Variants in POLE observed in about 807,000 individuals in gnomAD.
POLE encodes DNA polymerase epsilon, catalytic subunit.
In POLE, 188 loss-of-function variants were observed where a neutral mutation model predicts 279.2. The observed-to-expected ratio is 0.67, with a 90% CI of 0.60 to 0.76. The LOEUF (loss-of-function observed/expected upper bound fraction) is 0.76. Ranked by LOEUF, POLE falls within the 30% of genes least tolerant of loss-of-function variation. The pLI is 0.00. For missense variants in POLE, 2,703 were observed against 3,016.7 expected, an observed-to-expected ratio of 0.90 and a Z score of 2.44; for synonymous variants, 1,214 against 1,172.5, an observed-to-expected ratio of 1.04 and a Z score of -0.72.
chr12:132,682,300 A>AAAAT (rs2043184618), intron 1 of POLE, among the ~76,000 whole-genome samples: 1 of 102,020 alleles, frequency 9.8e-6, no homozygotes, highest in Non-Finnish European at 2.3e-5. Flanking sequence ...GCAAAAAAAA[A>AAAAT]AAAATAAATA....
intron 16 of POLE, 59 bp downstream of exon 16, chr12:132,672,156 G>T: frequency 8.7e-7 from 1 of 1,147,970 alleles, no homozygotes; most frequent in Non-Finnish European, 1.3e-6. Context: ...GCTGAAAGAC[G>T]TGGTCTGTGA....
chr12:132,645,501 A>T (rs2042262534), intron 32 of POLE, among the ~76,000 whole-genome samples: 1 of 152,220 alleles, frequency 6.6e-6, no homozygotes, highest in Non-Finnish European at 1.5e-5. Context: ...AAAACAACGC[A>T]GCAGAGGCTC....
In POLE at chr12:132,672,219, T is replaced by G; in HGVS notation, c.1790A>C (p.Glu597Ala). Reference sequence around the variant, plus strand: ...TCCTGCCTCCCTGATGGTTACCTCTTCAAAGTTGGTGACTTGCTCCACAGG... The same window carrying G: ...TCCTGCCTCCCTGATGGTTACCTCTGCAAAGTTGGTGACTTGCTCCACAGG... ...KVPVEQVTNFEEVCDEIKSKL... is the reference protein window; with the variant it reads ...KVPVEQVTNFAEVCDEIKSKL... The change falls in exon 16 of 49, where the codon GAA (glutamate) becomes GCA (alanine). Residue 597 changes from glutamate (E) to alanine (A), a missense_variant. Coordinates refer to ENST00000320574, the MANE Select transcript of POLE (RefSeq NM_006231.4). 1 of 1,612,494 alleles carries G rather than the reference T, an allele frequency of 6.2e-7. No individual in the cohort carries two copies. Among genetic ancestry groups the G allele is most frequent in the Non-Finnish European group, 8.5e-7 (1 of 1,178,458 alleles).
At position 132,661,936 on chromosome 12, in the gene POLE, C is replaced by T. The variant is rs5744843; in HGVS notation, c.2707-252G>A. ...TATGCTTCCCTTTACATGACATTTT[C>T]GACAAAGCAAAATTATAGTACAAAA... On this transcript the variant is annotated intron_variant, in intron 23 of 48. Coordinates refer to ENST00000320574, the MANE Select transcript of POLE (RefSeq NM_006231.4). The surrounding 1 kb of genome is among the most constrained non-coding windows in gnomAD (Gnocchi z 4.1). Among the ~76,000 whole-genome samples the T allele has an allele frequency of 0.017, 2,600 of 152,284 alleles. 65 individuals are homozygous for T. The highest frequency in any genetic ancestry group is 0.057 in the African/African-American group (2,385 of 41,554).
At chr12:132,662,754 G>A (rs1392649945) in intron 23 of POLE, among the ~76,000 whole-genome samples, 1 of 152,186 alleles carries the variant, frequency 6.6e-6, no homozygotes, top group African/African-American at 2.4e-5. Flanking sequence ...GACCAGAAGA[G>A]GGCGTGTCCC....
rs1012445618 is a variant in POLE at position 132,673,173 on chromosome 12, C to T, written c.1464G>A (p.Glu488=). The change falls in exon 14 of 49, where the codon GAG becomes GAA. Residue 488 remains glutamate, a synonymous_variant. Transcript: ENST00000320574. ...GACAGATAATGCTCACCTCGTCGGGCTCCATGGGAATAATGGTGCACAGAG... is the reference window on the plus strand; with the variant it reads ...GACAGATAATGCTCACCTCGTCGGGTTCCATGGGAATAATGGTGCACAGAG... The part of the protein sequence containing the change: ...IFALCTIIPM[E]PDEVLRKGSG... 2.5e-6 allele frequency: 4 copies of T among 1,606,632 alleles called. No homozygotes were observed. The highest frequency in any genetic ancestry group is 1.3e-5 in the African/African-American group (1 of 74,870).
Position 132,624,448 on chromosome 12 carries a change from A to C in POLE, c.*249T>G. The C allele has an allele frequency of 1.8e-6, 1 of 570,244 alleles. No individual in the cohort carries two copies. The allele number at this position is 570,244 out of a possible 1,614,324, so 35.3% of individuals were successfully genotyped here. On this transcript the variant is annotated 3_prime_UTR_variant, in exon 49 of 49. Transcript: ENST00000320574. Reference sequence around the variant, plus strand: ...GAGAAACGGCGCCCAGGGCACTCGCAGCCTCGCTCACGGCCTGCTTCTTCA... The same window carrying C: ...GAGAAACGGCGCCCAGGGCACTCGCCGCCTCGCTCACGGCCTGCTTCTTCA...
At chr12:132,670,833 C>G (rs1054373983) in intron 16 of POLE, among the ~76,000 whole-genome samples, 1 of 152,140 alleles carries the variant, frequency 6.6e-6, no homozygotes, top group African/African-American at 2.4e-5. Flanking sequence ...AGACAAGGCT[C>G]TCTTCCTGAT....
intron 45 of POLE, among the ~76,000 whole-genome samples, chr12:132,631,281 G>A (rs2041928189): frequency 6.6e-6 from 1 of 152,202 alleles, no homozygotes; most frequent in Admixed American, 6.5e-5. Flanking sequence ...TGGCTAAAGG[G>A]TGTCAGGTGA....
chr12:132,653,144 G>C lies in POLE; in HGVS notation c.3583-3255C>G, dbSNP rs540484927. 4.7e-4 allele frequency among the ~76,000 whole-genome samples: 71 copies of C among 152,262 alleles called. 1 individual carries two copies. Among genetic ancestry groups the C allele is most frequent in the Non-Finnish European group, 6.9e-4 (47 of 68,024 alleles). The stretch of plus-strand genomic sequence containing the variant: ...CCTGTAATCCCAGTGCTTTGGGGGG[G>C]GCCCAGGCAGGAGGATCACTTGAGC... On this transcript the variant is annotated intron_variant, in intron 29 of 48. Coordinates refer to ENST00000320574, the MANE Select transcript of POLE (RefSeq NM_006231.4).
At chr12:132,630,141 C>T (rs950645296) in intron 45 of POLE, among the ~76,000 whole-genome samples, 1 of 152,112 alleles carries the variant, frequency 6.6e-6, no homozygotes, top group African/African-American at 2.4e-5. Flanking sequence ...AAGGTTATCA[C>T]GGCTGATATA....
At chr12:132,663,742 T>C (rs1206018667) in intron 23 of POLE, among the ~76,000 whole-genome samples, 1 of 152,250 alleles carries the variant, frequency 6.6e-6, no homozygotes, top group African/African-American at 2.4e-5. Flanking sequence ...AAATTCTCTG[T>C]ACTATTTTTG....
rs141519273 is a variant in POLE, at chr12:132,639,162, G to C, written c.5515C>G (p.Arg1839Gly). ...TTCTTCATCATGTTGTGGAGTGTGC[G>C]GTGCAGGGCAGGGTCATGAAGCAGA... ...SSLLHDPALH[R>G]TLHNMMKKLF... The change falls in exon 40 of 49, where the codon CGC becomes GGC. Residue 1839 changes from arginine to glycine, a missense_variant. Arg to Gly is a moderately radical substitution (Grantham distance 125). Around this residue, in one of 5 missense-constraint regions of POLE, gnomAD observed 1,551 missense variants for 1,686.1 expected, o/e 0.92. Coordinates refer to ENST00000320574, the MANE Select transcript of POLE (RefSeq NM_006231.4). This position sits in a 1 kb window ranked among gnomAD's most constrained non-coding sequence, Gnocchi z 4.7. The C allele has an allele frequency of 6.2e-7, 1 of 1,614,116 alleles. No homozygotes were observed. Among genetic ancestry groups the C allele is most frequent in the Non-Finnish European group, 8.5e-7 (1 of 1,179,996 alleles).
At chr12:132,636,943 C>T (rs1368348371) in intron 41 of POLE, among the ~76,000 whole-genome samples, 1 of 152,240 alleles carries the variant, frequency 6.6e-6, no homozygotes, top group Non-Finnish European at 1.5e-5. Flanking sequence ...TGTTTCTCGA[C>T]ATGAGCAACC....
chr12:132,685,953 G>A (rs575098706), intron 1 of POLE, among the ~76,000 whole-genome samples: 2 of 151,670 alleles, frequency 1.3e-5, no homozygotes, highest in African/African-American at 2.4e-5. Flanking sequence ...TCGGTTCACC[G>A]CAACCTCCGC....
intron 2 of POLE, 130 bp downstream of exon 2, chr12:132,681,008 G>C: frequency 9.1e-7 from 1 of 1,094,580 alleles, no homozygotes; most frequent in Non-Finnish European, 1.3e-6. Context: ...GGAGAGCTGG[G>C]AACCTTCACA....
intron 45 of POLE, among the ~76,000 whole-genome samples, chr12:132,628,975 TAGA>T (rs911463085): frequency 1.3e-4 from 20 of 152,376 alleles, no homozygotes; most frequent in African/African-American, 4.8e-4. Context: ...GAATCCTTTC[TAGA>T]AGGTTTTCAA....
intron 45 of POLE, among the ~76,000 whole-genome samples, chr12:132,626,972 T>C (rs774417443): frequency 6.6e-6 from 1 of 152,242 alleles, no homozygotes; most frequent in Non-Finnish European, 1.5e-5. Context: ...TGGCTCACGC[T>C]TGTTTTCTCA....
At chr12:132,672,537 G>T in intron 15 of POLE, 90 bp downstream of exon 15, 1 of 1,371,586 alleles carries the variant, frequency 7.3e-7, no homozygotes, top group Non-Finnish European at 1.0e-6. Flanking sequence ...ACAGGATGGG[G>T]AGAAGGGGCT....
Sources: allele counts gnomAD v4.1 joint callset (sites outside exome capture counted in the v4.1 genomes callset), GRCh38; gene constraint gnomAD v4.1.1; regional missense constraint gnomAD v4.1.1; non-coding constraint Gnocchi (gnomAD v3.1); transcripts MANE v1.5; gene names NCBI Gene and HGNC (gene_info 2026-07-23, HGNC 2026-07-21).